Variants in LYG1 observed in about 807,000 individuals in gnomAD.
LYG1 encodes the protein lysozyme g-like protein 1.
Under a neutral mutation model 21.7 loss-of-function variants are expected in LYG1, and 17 were observed. That is an observed-to-expected ratio of 0.78 (90% CI 0.54 to 1.18). LYG1 has a LOEUF of 1.18. Ranked by LOEUF, LYG1 falls within the 50% of genes most tolerant of loss-of-function variation. The probability of loss-of-function intolerance (pLI) is 0.00; values close to 1 mark genes in which losing one functional copy is unlikely to be tolerated. For synonymous variants in LYG1, 81 were observed against 87.4 expected (o/e 0.93, Z 0.41); for missense variants, 211 against 238.1 (o/e 0.89, Z 0.75).
At chr2:99,293,470 C>G (rs575378220) in intron 3 of LYG1, among the ~76,000 whole-genome samples, 1 of 152,336 alleles carries the variant, frequency 6.6e-6, no homozygotes, top group Admixed American at 6.5e-5. Context: ...AGGCTGGCTA[C>G]ACTTTCTCTC....
chr2:99,284,681 C>T lies in LYG1; in HGVS notation c.466+7G>A. On this transcript the variant is annotated splice_region_variant and intron_variant, in intron 6 of 6. Transcript: ENST00000308528. The stretch of plus-strand genomic sequence containing the variant: ...TTGAGACAACTGACTGATAGCGTTA[C>T]ACGTACCTCTCAGGTACTGGTCAGG... 6.2e-7 allele frequency: 1 copy of T among 1,613,624 alleles called. No individual in the cohort carries two copies. The highest frequency in any genetic ancestry group is 8.5e-7 in the Non-Finnish European group (1 of 1,179,600).
At chr2:99,290,979 C>T (rs1003152256) in intron 5 of LYG1, among the ~76,000 whole-genome samples, 2 of 152,136 alleles carry the variant, frequency 1.3e-5, no homozygotes, top group African/African-American at 4.8e-5. Flanking sequence ...TCTCTTGGAC[C>T]ACTTAGGTCC....
intron 2 of LYG1, among the ~76,000 whole-genome samples, chr2:99,297,148 A>G (rs1308887443): frequency 6.6e-6 from 1 of 152,190 alleles, no homozygotes; most frequent in African/African-American, 2.4e-5. Flanking sequence ...TGCTTAGTTG[A>G]GCACAAAATG....
At chr2:99,284,968 G>T in intron 5 of LYG1, 148 bp from the exon 6 acceptor site, 1 of 1,156,724 alleles carries the variant, frequency 8.6e-7, no homozygotes. Flanking sequence ...CTCCTGTGAG[G>T]TAGGTTAGAT....
rs78515232 is a variant in LYG1, at chr2:99,291,484, G to A, written c.149-63C>T. The A allele has an allele frequency of 5.3e-4, 802 of 1,527,212 alleles. 4 individuals are homozygous for A. The African/African-American group carries it at 9.9e-3, about 19-fold the overall frequency. The allele number at this position is 1,527,212 out of a possible 1,614,324, so 94.6% of individuals were successfully genotyped here. On this transcript the variant is annotated intron_variant, in intron 4 of 6. Transcript: ENST00000308528. ...GACTTATGCTGCAACAGGAGCTCAA[G>A]GGGAGAGAGAAAGAACAATCCAAGG... is the stretch of plus-strand genomic sequence containing the variant.
At chr2:99,300,045 A>C (rs2094149791) in intron 1 of LYG1, among the ~76,000 whole-genome samples, 1 of 151,644 alleles carries the variant, frequency 6.6e-6, no homozygotes, top group Non-Finnish European at 1.5e-5. Flanking sequence ...GTAGTCACAA[A>C]TATAAAATAA....
chr2:99,291,311 C>T lies in LYG1; in HGVS notation c.259G>A (p.Ala87Thr), dbSNP rs775260889. ...QKYCMDPAVI[A>T]GVLSRKSPGD... is the part of the protein sequence containing the mutation. ...GGAGACTTCCTGGACAAGACACCAGCGATCACGGCAGGATCCATGCAGTAC... is the reference window on the plus strand; with the variant it reads ...GGAGACTTCCTGGACAAGACACCAGTGATCACGGCAGGATCCATGCAGTAC... The change falls in exon 5 of 7, where the codon GCT (alanine) becomes ACT (threonine). Residue 87 changes from alanine (A) to threonine (T), a missense_variant. Transcript: ENST00000308528. 57 of 1,613,488 alleles carry T rather than the reference C, an allele frequency of 3.5e-5. No homozygotes were observed. In the East Asian group the frequency reaches 4.0e-4, roughly 11 times the overall value.
intron 4 of LYG1, among the ~76,000 whole-genome samples, chr2:99,292,060 G>T (rs1022061772): frequency 2.0e-5 from 3 of 152,152 alleles, no homozygotes; most frequent in African/African-American, 7.2e-5. Context: ...GCCAAAGAGG[G>T]AGGATCACCT....
intron 5 of LYG1, among the ~76,000 whole-genome samples, chr2:99,285,089 C>A (rs1035902505): frequency 6.6e-6 from 1 of 152,162 alleles, no homozygotes; most frequent in Non-Finnish European, 1.5e-5. Context: ...GTGCCAGACA[C>A]GGTGGCTTAT....
rs566854372 is a variant in LYG1, at chr2:99,285,584, A to G, written c.334-764T>C. Among the ~76,000 whole-genome samples the G allele has an allele frequency of 3.9e-5, 6 of 152,314 alleles. No homozygotes were observed. The East Asian group carries it at 9.6e-4, about 24-fold the overall frequency. ...GTGCTAGCATGCACAACAATAGCGC[A>G]TGTGCATCCCGGAGACCCTGAAACA... On this transcript the variant is annotated intron_variant, in intron 5 of 6. Coordinates refer to ENST00000308528, the MANE Select transcript of LYG1 (RefSeq NM_174898.3).
chr2:99,289,214 C>A lies in LYG1; in HGVS notation c.333+2023G>T, dbSNP rs868346797. On this transcript the variant is annotated intron_variant, in intron 5 of 6. Transcript: ENST00000308528. ...GTGGCTCACACCTGTAATCCCAGCACTTTGGGAGGCTGAGGCAGGCAGACC... is the reference window on the plus strand; with the variant it reads ...GTGGCTCACACCTGTAATCCCAGCAATTTGGGAGGCTGAGGCAGGCAGACC... 6.2e-4 allele frequency among the ~76,000 whole-genome samples: 94 copies of A among 152,172 alleles called. 1 individual carries two copies. The highest frequency in any genetic ancestry group is 2.1e-3 in the African/African-American group (86 of 41,516).
Position 99,284,316 on chromosome 2 carries a change from G to C in LYG1, c.*77C>G. On this transcript the variant is annotated 3_prime_UTR_variant, in exon 7 of 7. Transcript: ENST00000308528. The stretch of plus-strand genomic sequence containing the variant: ...GGTCAAACTCAGATTCCCAGTTACA[G>C]GTGCCCTTGGCTAGTTTTATCTGTG... 8.0e-7 allele frequency: 1 copy of C among 1,251,564 alleles called. No individual in the cohort carries two copies. Among genetic ancestry groups the C allele is most frequent in the South Asian group, 1.3e-5 (1 of 75,906 alleles). The allele number at this position is 1,251,564 out of a possible 1,614,324, so 77.5% of individuals were successfully genotyped here. A position where few individuals can be genotyped will look rare whatever the true frequency, so the allele number is the denominator to read the frequency against.
rs1188391519 is a variant in LYG1, at chr2:99,284,377, G to T, written c.*16C>A. 6.2e-7 allele frequency: 1 copy of T among 1,609,422 alleles called. No homozygotes were observed. Among genetic ancestry groups the T allele is most frequent in the East Asian group, 2.2e-5 (1 of 44,848 alleles). Reference sequence around the variant, plus strand: ...GGCTGCATATGTGATCATGGTCTTGGGTTTCATCTGAGATGTTAGAAGCCA... The same window carrying T: ...GGCTGCATATGTGATCATGGTCTTGTGTTTCATCTGAGATGTTAGAAGCCA... On this transcript the variant is annotated 3_prime_UTR_variant, in exon 7 of 7. Coordinates refer to ENST00000308528, the MANE Select transcript of LYG1 (RefSeq NM_174898.3).
intron 5 of LYG1, among the ~76,000 whole-genome samples, chr2:99,289,439 G>A (rs2094112134): frequency 7.3e-6 from 1 of 136,372 alleles, no homozygotes; most frequent in African/African-American, 2.7e-5. Context: ...CTGGGTGACA[G>A]AGCCAGACCC....
At chr2:99,290,858 T>A (rs2094115938) in intron 5 of LYG1, among the ~76,000 whole-genome samples, 1 of 152,218 alleles carries the variant, frequency 6.6e-6, no homozygotes, top group Non-Finnish European at 1.5e-5. Context: ...ATAATAATGC[T>A]GTAAGAATGG....
rs375464074 is a variant in LYG1, at chr2:99,284,414, G to A, written c.564C>T (p.Tyr188=). The A allele has an allele frequency of 6.2e-7, 1 of 1,614,100 alleles. No individual in the cohort carries two copies. Among genetic ancestry groups the A allele is most frequent in the South Asian group, 1.1e-5 (1 of 91,090 alleles). ...FCNDVLARAK[Y]LKRHGF ...GATGTTAGAAGCCATGTCTCTTGAG[G>A]TACTTGGCTCGTGCAAGGACATCAT... The change falls in exon 7 of 7, where the codon TAC becomes TAT. Residue 188 remains tyrosine (Y), a synonymous_variant. Transcript: ENST00000308528.
At chr2:99,303,835 C>A (rs900146492), upstream of LYG1, among the ~76,000 whole-genome samples, 1 of 151,292 alleles carries the variant, frequency 6.6e-6, no homozygotes, top group Non-Finnish European at 1.5e-5. Context: ...CCATACTGTT[C>A]TCCTGGTAGT....
chr2:99,299,024 T>A (rs759879571), intron 1 of LYG1, among the ~76,000 whole-genome samples: 2 of 151,954 alleles, frequency 1.3e-5, no homozygotes, highest in Non-Finnish European at 2.9e-5. Context: ...CTCCGCCTCT[T>A]GAATTCAAGT....
intron 1 of LYG1, among the ~76,000 whole-genome samples, chr2:99,300,192 T>C (rs2094150265): frequency 6.6e-6 from 1 of 152,138 alleles, no homozygotes; most frequent in South Asian, 2.1e-4. Context: ...ACATGGCCTG[T>C]GAAAATACCT....
Sources: gnomAD v4.1 joint callset for allele counts (sites outside exome capture counted in the v4.1 genomes callset) on GRCh38, gnomAD v4.1.1 for gene constraint, MANE v1.5 for transcripts, NCBI Gene and HGNC (gene_info 2026-07-23, HGNC 2026-07-21) for gene names.